Variants in MACC1 observed in about 807,000 individuals in gnomAD.
MACC1 encodes metastasis-associated in colon cancer protein 1.
MACC1 carries 79 observed loss-of-function variants against 70.7 expected under a neutral mutation model. The observed-to-expected ratio is 1.12, with a 90% CI of 0.93 to 1.35. The LOEUF (loss-of-function observed/expected upper bound fraction) is 1.35. Among genes scored for constraint, MACC1 ranks in the 40% most tolerant of loss-of-function variants. The probability of loss-of-function intolerance (pLI) is 0.00; values close to 1 mark genes in which losing one functional copy is unlikely to be tolerated. For missense variants in MACC1, 1,106 were observed against 978.1 expected, an observed-to-expected ratio of 1.13 and a Z score of -1.74; for synonymous variants, 361 against 347.2, an observed-to-expected ratio of 1.04 and a Z score of -0.44.
At position 20,159,644 on chromosome 7, in the gene MACC1, A is replaced by T; in HGVS notation, c.717T>A (p.Gly239=). 6.2e-7 allele frequency: 1 copy of T among 1,614,090 alleles called. No homozygotes were observed. The highest frequency in any genetic ancestry group is 8.5e-7 in the Non-Finnish European group (1 of 1,180,004). Reference sequence around the variant, plus strand: ...CTTGGAATTCTCCCACAGCCACATGACCTTGGGGCACATGAACAGTGATGT... The same window carrying T: ...CTTGGAATTCTCCCACAGCCACATGTCCTTGGGGCACATGAACAGTGATGT... The part of the protein sequence containing the change: ...ESDITVHVPQ[G]HVAVGEFQEV... Residue 239 remains glycine, a synonymous_variant, in exon 5 of 7, where the codon GGT becomes GGA. Coordinates refer to ENST00000400331, the MANE Select transcript of MACC1 (RefSeq NM_182762.4).
At chr7:20,188,138 G>GA (rs1782617761) in intron 1 of MACC1, among the ~76,000 whole-genome samples, 2 of 152,038 alleles carry the variant, frequency 1.3e-5, no homozygotes, top group South Asian at 4.2e-4. Context: ...AAGAGCACAG[G>GA]AAAAACCATC....
chr7:20,215,121 C>A (rs1439077855), intron 1 of MACC1, among the ~76,000 whole-genome samples: 1 of 149,116 alleles, frequency 6.7e-6, no homozygotes, highest in African/African-American at 2.5e-5. Context: ...TTTATTTGGT[C>A]TCCAGTAATT....
At chr7:20,143,003 T>C (rs574094483) in intron 6 of MACC1, among the ~76,000 whole-genome samples, 2 of 152,296 alleles carry the variant, frequency 1.3e-5, no homozygotes, top group South Asian at 2.1e-4. Flanking sequence ...GATGGCATAG[T>C]AGATTAGTGT....
intron 6 of MACC1, among the ~76,000 whole-genome samples, chr7:20,146,582 A>C (rs1583380088): frequency 2.0e-5 from 3 of 152,340 alleles, no homozygotes; most frequent in Admixed American, 1.3e-4. Context: ...ACTAACATTT[A>C]ATCCTCCGAA....
At chr7:20,158,029 A>G (rs1306200467) in intron 5 of MACC1, among the ~76,000 whole-genome samples, 175 bp downstream of exon 5, 1 of 152,212 alleles carries the variant, frequency 6.6e-6, no homozygotes, top group Non-Finnish European at 1.5e-5. Context: ...TCTCAAGTTT[A>G]AGAAACCAGT....
In MACC1 at chr7:20,159,755, A is replaced by G. The variant is rs149473661; in HGVS notation, c.606T>C (p.Pro202=). The change falls in exon 5 of 7, where the codon CCT becomes CCC. Residue 202 remains proline (P), a synonymous_variant. Transcript: ENST00000400331. ...CCGCAAGTTGTGTCTGGGCCCATCCAGGGCTCTGACTAATTGTATTCAAAT... is the reference window on the plus strand; with the variant it reads ...CCGCAAGTTGTGTCTGGGCCCATCCGGGGCTCTGACTAATTGTATTCAAAT... ...CLDLNTISQS[P]GWAQTQLAEV... is the part of the protein sequence containing the mutation. 5.0e-6 allele frequency: 8 copies of G among 1,614,134 alleles called. No homozygotes were observed. In the South Asian group the frequency reaches 7.7e-5, roughly 16 times the overall value.
intron 1 of MACC1, among the ~76,000 whole-genome samples, chr7:20,182,287 C>T (rs1782522384): frequency 6.6e-6 from 1 of 151,860 alleles, no homozygotes; most frequent in Admixed American, 6.6e-5. Context: ...CACATGTATA[C>T]ATATGTAACA....
intron 1 of MACC1, among the ~76,000 whole-genome samples, chr7:20,205,123 C>T (rs1227232253): frequency 6.6e-6 from 1 of 151,988 alleles, no homozygotes; most frequent in East Asian, 1.9e-4. Context: ...GAGAAAGTCT[C>T]ATAAAGTTTT....
At position 20,136,346 on chromosome 7, in the gene MACC1, C is replaced by G. The variant is rs1781717535; in HGVS notation, c.*4600G>C. On this transcript the variant is annotated 3_prime_UTR_variant, in exon 7 of 7. Transcript: ENST00000400331. Reference sequence around the variant, plus strand: ...TCCTTTGGCCTTACTAATTATTATCCAGTGCTAACCTCTCTGTCTCTACTC... The same window carrying G: ...TCCTTTGGCCTTACTAATTATTATCGAGTGCTAACCTCTCTGTCTCTACTC... 1 of 152,162 alleles carries G rather than the reference C, an allele frequency of 6.6e-6. No homozygotes were observed. The highest frequency in any genetic ancestry group is 1.5e-5 in the Non-Finnish European group (1 of 68,020). The allele number at this position is 152,162 out of a possible 1,614,324, so 9.4% of individuals were successfully genotyped here. A position where few individuals can be genotyped will look rare whatever the true frequency, so the allele number is the denominator to read the frequency against.
chr7:20,148,555 T>C (rs899267431), intron 6 of MACC1, among the ~76,000 whole-genome samples: 2 of 152,196 alleles, frequency 1.3e-5, no homozygotes, highest in Non-Finnish European at 2.9e-5. Flanking sequence ...TTCTTAATAA[T>C]GTTTAACTTA....
intron 2 of MACC1, among the ~76,000 whole-genome samples, chr7:20,167,342 C>T (rs989300039): frequency 3.3e-5 from 5 of 151,956 alleles, no homozygotes; most frequent in Non-Finnish European, 7.4e-5. Context: ...ACTACAGGTG[C>T]ATGCCACCAC....
intron 2 of MACC1, among the ~76,000 whole-genome samples, chr7:20,169,415 A>G (rs185137924): frequency 6.6e-6 from 1 of 152,308 alleles, no homozygotes; most frequent in East Asian, 1.9e-4. Context: ...AGGTATAAAG[A>G]TCAACCCCCA....
At chr7:20,208,757 T>G (rs1269425989) in intron 1 of MACC1, among the ~76,000 whole-genome samples, 1 of 152,100 alleles carries the variant, frequency 6.6e-6, no homozygotes, top group Non-Finnish European at 1.5e-5. Context: ...GGGGAAAATG[T>G]CTCCGGGGCA....
chr7:20,179,173 A>G (rs778592733), intron 1 of MACC1, among the ~76,000 whole-genome samples: 8 of 152,114 alleles, frequency 5.3e-5, no homozygotes, highest in Non-Finnish European at 1.2e-4. Context: ...ACATTTGTCA[A>G]TGCTAAATAT....
At chr7:20,195,722 G>C (rs1782741479) in intron 1 of MACC1, among the ~76,000 whole-genome samples, 2 of 152,196 alleles carry the variant, frequency 1.3e-5, no homozygotes, top group Admixed American at 6.5e-5. Flanking sequence ...CAGGGGATCA[G>C]TTAGCTTCTG....
chr7:20,174,780 G>A (rs138390496), intron 1 of MACC1, among the ~76,000 whole-genome samples: 103 of 152,024 alleles, frequency 6.8e-4, no homozygotes, highest in Middle Eastern at 3.4e-3. Flanking sequence ...GACTATTCAC[G>A]GTATCAACAT....
chr7:20,141,789 A>G (rs971670567), intron 6 of MACC1: 7 of 152,284 alleles, frequency 4.6e-5, no homozygotes, highest in Admixed American at 6.5e-5. Context: ...ACCCATACCA[A>G]TGATGTCATT....
intron 1 of MACC1, among the ~76,000 whole-genome samples, chr7:20,176,300 A>C (rs1782391959): frequency 6.6e-6 from 1 of 152,094 alleles, no homozygotes; most frequent in South Asian, 2.1e-4. Flanking sequence ...AACTCGTAAA[A>C]ATAAAAGAGA....
intron 5 of MACC1, among the ~76,000 whole-genome samples, chr7:20,157,393 G>A (rs1228485633): frequency 6.6e-6 from 1 of 151,990 alleles, no homozygotes; most frequent in Non-Finnish European, 1.5e-5. Context: ...ATTAAAACAT[G>A]AGGATTAAGA....
Sources: gnomAD v4.1 joint callset for allele counts (sites outside exome capture counted in the v4.1 genomes callset) on GRCh38, gnomAD v4.1.1 for gene constraint, MANE v1.5 for transcripts, NCBI Gene and HGNC (gene_info 2026-07-23, HGNC 2026-07-21) for gene names.